The following SYCP3 variants were observed in gnomAD, a reference collection of about 807,000 sequenced individuals.
The protein encoded by SYCP3 is synaptonemal complex protein 3.
A neutral mutation model predicts 38.5 loss-of-function variants in SYCP3; 29 were observed. That is an observed-to-expected ratio of 0.75 (90% CI 0.56 to 1.03). The LOEUF (loss-of-function observed/expected upper bound fraction) is 1.03. Ranked by LOEUF, SYCP3 falls within the 50% of genes least tolerant of loss-of-function variation. SYCP3 has a pLI of 0.00. For synonymous variants in SYCP3, 79 were observed against 80.3 expected, an observed-to-expected ratio of 0.98 and a Z score of 0.08; for missense variants, 242 against 270.7, an observed-to-expected ratio of 0.89 and a Z score of 0.74.
chr12:101,730,491 A>ATTTTTTTTTT, intron 7 of SYCP3: 1 of 328,758 alleles, frequency 3.0e-6, no homozygotes, highest in Non-Finnish European at 5.7e-6. Context: ...TGTGTGTATA[A>ATTTTTTTTTT]TTTTTTTTTT....
intron 2 of SYCP3, 81 bp from the exon 3 acceptor site, chr12:101,737,379 C>T (rs975503221): frequency 1.5e-6 from 2 of 1,323,496 alleles, no homozygotes; most frequent in African/African-American, 3.0e-5. Context: ...GAAACATCTT[C>T]ATTTGGGGAT....
At position 101,734,339 on chromosome 12, in the gene SYCP3, C is replaced by T. The variant is rs141201193; in HGVS notation, c.353+588G>A. Among the ~76,000 whole-genome samples the T allele has an allele frequency of 7.8e-4, 119 of 152,224 alleles. 1 individual carries two copies. The highest frequency in any genetic ancestry group is 2.7e-3 in the African/African-American group (113 of 41,552). ...ACTTGGGAGGCTGAGGTGAGAGGAT[C>T]GCTTGAGCCTAGGAGTTCAAGACCA... On this transcript the variant is annotated intron_variant, in intron 5 of 8. Transcript: ENST00000392924.
chr12:101,731,466 G>T, intron 7 of SYCP3, 102 bp downstream of exon 7: 1 of 696,840 alleles, frequency 1.4e-6, no homozygotes, highest in Non-Finnish European at 2.2e-6. Context: ...AGTAGTTAAA[G>T]TCTAAAATGT....
intron 2 of SYCP3, 116 bp downstream of exon 2, chr12:101,737,687 G>T: frequency 7.0e-7 from 1 of 1,428,282 alleles, no homozygotes; most frequent in Non-Finnish European, 9.8e-7. Flanking sequence ...CACAAATACC[G>T]GGGGAGGGAA....
rs1446784811 is a variant in SYCP3, at chr12:101,737,089, T to C, written c.201-18A>G. On this transcript the variant is annotated intron_variant, in intron 3 of 8. Transcript: ENST00000392924. ...CTTCACCCCTGGAAAGAAATTACATTTTAAACACTTTAGAAGATCCACAAC... is the reference window on the plus strand; with the variant it reads ...CTTCACCCCTGGAAAGAAATTACATCTTAAACACTTTAGAAGATCCACAAC... The C allele has an allele frequency of 1.9e-6, 3 of 1,613,892 alleles. No individual in the cohort carries two copies. In the African/African-American group the frequency reaches 4.0e-5, roughly 22 times the overall value.
rs1369630845 is a variant in SYCP3, at chr12:101,729,141, C to T, written c.625G>A (p.Ala209Thr). ...GAQNEFKKEM[A>T]MLQKKIMMET... is the part of the protein sequence containing the mutation. ...ATCATAATTTTTTTTTGCAACATAGCCATTTCTTTTTTAAATTCATTTTGT... is the reference window on the plus strand; with the variant it reads ...ATCATAATTTTTTTTTGCAACATAGTCATTTCTTTTTTAAATTCATTTTGT... Residue 209 changes from alanine (A) to threonine (T), a missense_variant, in exon 8 of 9, where the codon GCT becomes ACT. Transcript: ENST00000392924. The T allele has an allele frequency of 1.2e-6, 2 of 1,612,116 alleles. No individual in the cohort carries two copies. Among genetic ancestry groups the T allele is most frequent in the South Asian group, 1.1e-5 (1 of 90,866 alleles).
intron 5 of SYCP3, among the ~76,000 whole-genome samples, chr12:101,734,095 C>G (rs1426060336): frequency 6.6e-6 from 1 of 152,012 alleles, no homozygotes; most frequent in African/African-American, 2.4e-5. Flanking sequence ...CCTATTTTGG[C>G]TTAACAAAAG....
intron 1 of SYCP3, 163 bp downstream of exon 1, chr12:101,739,188 T>TAC: frequency 1.1e-5 from 10 of 891,798 alleles, no homozygotes; most frequent in South Asian, 5.1e-5. Context: ...CCGCCCGCTT[T>TAC]CCACTAGGCC....
chr12:101,729,061 A>G, intron 8 of SYCP3, 48 bp downstream of exon 8: 2 of 1,606,174 alleles, frequency 1.2e-6, no homozygotes, highest in Non-Finnish European at 1.7e-6. Context: ...AAAATATTTC[A>G]TTGCTTATAT....
In SYCP3 at chr12:101,737,908, T is replaced by A. The variant is rs1952523498; in HGVS notation, c.28A>T (p.Arg10Trp). 6.2e-7 allele frequency: 1 copy of A among 1,614,178 alleles called. No individual in the cohort carries two copies. Among genetic ancestry groups the A allele is most frequent in the East Asian group, 2.2e-5 (1 of 44,882 alleles). MVSSGKKYS[R>W]KSGKPSVEDQ... is the part of the protein sequence containing the mutation. ...TCCACAGACGGCTTCCCAGATTTCC[T>A]GGAATACTTTTTTCCGGAGGACACC... The change falls in exon 2 of 9, where the codon AGG (arginine) becomes TGG (tryptophan). Residue 10 changes from arginine to tryptophan, a missense_variant. Physicochemically the swap from Arg to Trp is moderately radical, Grantham distance 101 (BLOSUM62 -3). Transcript: ENST00000392924.
intron 1 of SYCP3, among the ~76,000 whole-genome samples, chr12:101,738,593 G>A (rs1220519020): frequency 1.3e-5 from 2 of 152,152 alleles, no homozygotes; most frequent in Admixed American, 6.5e-5. Context: ...AAAATTAGCC[G>A]GGCGCGGTGG....
chr12:101,733,621 C>T lies in SYCP3; in HGVS notation c.407G>A (p.Trp136Ter), dbSNP rs1219885012. 2 of 1,612,480 alleles carry T rather than the reference C, an allele frequency of 1.2e-6. No individual in the cohort carries two copies. The highest frequency in any genetic ancestry group is 1.7e-6 in the Non-Finnish European group (2 of 1,179,972). The change falls in exon 6 of 9, where the codon TGG (tryptophan) becomes TAG (stop). Residue 136 changes from tryptophan to a stop codon, truncating the protein, a stop_gained. Coordinates refer to ENST00000392924, the MANE Select transcript of SYCP3 (RefSeq NM_001177949.2). LOFTEE classifies it high-confidence loss of function. ...CTCAGCTTTCTGCATATCTAAATCC[C>T]ACTGCTGAAACAAAGTCAGAAACTG... ...SQQFLTLFQQ[W>*]DLDMQKAEEQ...
intron 8 of SYCP3, 56 bp downstream of exon 8, chr12:101,729,053 A>T: frequency 6.2e-7 from 1 of 1,607,938 alleles, no homozygotes; most frequent in Admixed American, 1.7e-5. Flanking sequence ...CAGCAAATAA[A>T]ATATTTCATT....
In SYCP3 at chr12:101,737,276, T is replaced by C. The variant is rs2137075323; in HGVS notation, c.156A>G (p.Lys52=). 1.2e-6 allele frequency: 2 copies of C among 1,612,588 alleles called. No homozygotes were observed. The highest frequency in any genetic ancestry group is 2.2e-5 in the South Asian group (2 of 91,034). The change falls in exon 3 of 9, where the codon AAA becomes AAG. Residue 52 remains lysine (K), a synonymous_variant. Transcript: ENST00000392924. Reference sequence around the variant, plus strand: ...CTGCAGAAGACCTTTTCTTCCTACGTTTCTCAATGACTGCAGTCTTCCCTG... The same window carrying C: ...CTGCAGAAGACCTTTTCTTCCTACGCTTCTCAATGACTGCAGTCTTCCCTG... ...VIEGKTAVIE[K]RRKKRSSAGV... is the part of the protein sequence containing the mutation.
chr12:101,735,862 T>TTTAATAC (rs1365348613), intron 4 of SYCP3, among the ~76,000 whole-genome samples: 1 of 98,732 alleles, frequency 1.0e-5, no homozygotes, highest in African/African-American at 4.3e-5. Flanking sequence ...TATATATATA[T>TTTAATAC]ATATATATAT....
chr12:101,729,200 A>T lies in SYCP3; in HGVS notation c.566T>A (p.Leu189Ter). Residue 189 changes from leucine to a stop codon, truncating the protein, a stop_gained, in exon 8 of 9, where the codon TTG becomes TAG. Coordinates refer to ENST00000392924, the MANE Select transcript of SYCP3 (RefSeq NM_001177949.2). LOFTEE classifies it high-confidence loss of function. ...YEQFIKSMEE[L>*]EKNHDNLLTG... ...AAGTAGATTATCATGATTCTTCTCC[A>T]ACTCTTCCATACTCTAAAAACACAA... 1 of 1,613,048 alleles carries T rather than the reference A, an allele frequency of 6.2e-7. No homozygotes were observed. Among genetic ancestry groups the T allele is most frequent in the Non-Finnish European group, 8.5e-7 (1 of 1,179,498 alleles).
At position 101,737,916 on chromosome 12, in the gene SYCP3, T is replaced by G; in HGVS notation, c.20A>C (p.Lys7Thr). 6.2e-7 allele frequency: 1 copy of G among 1,613,824 alleles called. No individual in the cohort carries two copies. The highest frequency in any genetic ancestry group is 8.5e-7 in the Non-Finnish European group (1 of 1,179,830). MVSSGK[K>T]YSRKSGKPSV... ...CGGCTTCCCAGATTTCCTGGAATAC[T>G]TTTTTCCGGAGGACACCATATTTAG... is the stretch of plus-strand genomic sequence containing the variant. Residue 7 changes from lysine to threonine, a missense_variant, in exon 2 of 9, where the codon AAG (lysine) becomes ACG (threonine). Transcript: ENST00000392924.
At position 101,728,954 on chromosome 12, in the gene SYCP3, C is replaced by T. The variant is rs375690461; in HGVS notation, c.684G>A (p.Arg228=). ...AGAATAACATGGATTGAAGAGACTTCCGAACACTTGCTATCTCTTGCTGCT... is the reference window on the plus strand; with the variant it reads ...AGAATAACATGGATTGAAGAGACTTTCGAACACTTGCTATCTCTTGCTGCT... ...ETQQQEIASV[R]KSLQSMLF Residue 228 remains arginine, a synonymous_variant, in exon 9 of 9, where the codon CGG becomes CGA. Transcript: ENST00000392924. 1.9e-6 allele frequency: 3 copies of T among 1,613,484 alleles called. No individual in the cohort carries two copies. In the East Asian group the frequency reaches 6.7e-5, roughly 36 times the overall value.
chr12:101,739,325 T>C lies in SYCP3; in HGVS notation c.-18+26A>G, dbSNP rs73392439. ...CAGCCTCTGGCCTGGACACCTGCGA[T>C]AGACAGACGCCTCCCCTGCTCACAC... is the stretch of plus-strand genomic sequence containing the variant. On this transcript the variant is annotated intron_variant, in intron 1 of 8. Coordinates refer to ENST00000392924, the MANE Select transcript of SYCP3 (RefSeq NM_001177949.2). 6.0e-3 allele frequency: 6,060 copies of C among 1,002,778 alleles called. 271 individuals are homozygous for C. In the African/African-American group the frequency reaches 0.096, roughly 16 times the overall value. The allele number at this position is 1,002,778 out of a possible 1,614,324, so 62.1% of individuals were successfully genotyped here.
Sources: allele counts gnomAD v4.1 joint callset (sites outside exome capture counted in the v4.1 genomes callset), GRCh38; gene constraint gnomAD v4.1.1; transcripts MANE v1.5; gene names NCBI Gene and HGNC (gene_info 2026-07-23, HGNC 2026-07-21).